Variants in FGGY observed in about 807,000 individuals in gnomAD.
FGGY encodes the protein FGGY carbohydrate kinase domain containing, also known as FGGY carbohydrate kinase domain-containing protein.
In FGGY, 72 loss-of-function variants were observed where a neutral mutation model predicts 71.3. That is an observed-to-expected ratio of 1.01 (90% CI 0.84 to 1.23). The LOEUF (loss-of-function observed/expected upper bound fraction) is 1.23, where lower values mean the gene tolerates loss of function less well. Among genes scored for constraint, FGGY ranks in the 50% most tolerant of loss-of-function variants. FGGY has a pLI of 0.00. For synonymous variants in FGGY, 251 were observed against 250.3 expected (o/e 1.00, Z -0.02); for missense variants, 668 against 682.3 (o/e 0.98, Z 0.23).
chr1:59,489,757 ATTAG>A (rs1254335515), intron 6 of FGGY, among the ~76,000 whole-genome samples: 2 of 152,076 alleles, frequency 1.3e-5, no homozygotes, highest in Non-Finnish European at 2.9e-5. Context: ...TGGATCATAT[ATTAG>A]TTCTGTTTGT....
intron 4 of FGGY, among the ~76,000 whole-genome samples, chr1:59,362,874 A>G (rs994297244): frequency 2.6e-5 from 4 of 152,230 alleles, no homozygotes; most frequent in African/African-American, 4.8e-5. Context: ...CCTGCCTTTC[A>G]TCTTCTATGA....
At chr1:59,587,625 C>T (rs1411965474) in intron 8 of FGGY, among the ~76,000 whole-genome samples, 13 of 152,184 alleles carry the variant, frequency 8.5e-5, no homozygotes, top group African/African-American at 2.9e-4. Flanking sequence ...CAGACAGCTG[C>T]ATTCGCGGTT....
chr1:59,616,858 C>G (rs2096760792), intron 9 of FGGY, among the ~76,000 whole-genome samples: 1 of 151,972 alleles, frequency 6.6e-6, no homozygotes, highest in African/African-American at 2.4e-5. Context: ...ATGATCATAC[C>G]TATAGATACA....
intron 8 of FGGY, among the ~76,000 whole-genome samples, chr1:59,578,713 AAGG>A (rs2096129350): frequency 6.6e-6 from 1 of 152,074 alleles, no homozygotes; most frequent in African/African-American, 2.4e-5. Flanking sequence ...CAAATTTACC[AAGG>A]AGAAGAGAAT....
At chr1:59,300,891 A>G (rs1022340759) in intron 1 of FGGY, among the ~76,000 whole-genome samples, 7 of 152,214 alleles carry the variant, frequency 4.6e-5, no homozygotes, top group Non-Finnish European at 8.8e-5. Context: ...TGTAATAAGT[A>G]CTGAAATCAG....
At position 59,422,755 on chromosome 1, in the gene FGGY, A is replaced by G. The variant is rs528916897; in HGVS notation, c.555-34206A>G. 8.5e-5 allele frequency among the ~76,000 whole-genome samples: 13 copies of G among 152,238 alleles called. No individual in the cohort carries two copies. The South Asian group carries it at 2.3e-3, about 27-fold the overall frequency. ...AGACCTTCCATATAGCAGTTATTAT[A>G]TAAGCACTAGGTAAATATTAATAAA... On this transcript the variant is annotated intron_variant, in intron 5 of 15. Coordinates refer to ENST00000303721, the MANE Select transcript of FGGY (RefSeq NM_018291.5).
At chr1:59,311,108 G>C (rs1416541609) in intron 1 of FGGY, among the ~76,000 whole-genome samples, 1 of 152,084 alleles carries the variant, frequency 6.6e-6, no homozygotes, top group Non-Finnish European at 1.5e-5. Flanking sequence ...ATCTGAAAAG[G>C]CTTCACAGGA....
At chr1:59,440,107 A>C (rs1460490537) in intron 5 of FGGY, among the ~76,000 whole-genome samples, 1 of 151,998 alleles carries the variant, frequency 6.6e-6, no homozygotes, top group Admixed American at 6.6e-5. Flanking sequence ...AAAAAAAAAA[A>C]AAAAACGGAA....
intron 5 of FGGY, among the ~76,000 whole-genome samples, chr1:59,396,982 T>G (rs1571587119): frequency 6.6e-6 from 1 of 151,650 alleles, no homozygotes; most frequent in South Asian, 2.1e-4. Context: ...TTCTGGGAGG[T>G]TCAGTTGCAG....
chr1:59,454,194 A>G (rs746390132), intron 5 of FGGY, among the ~76,000 whole-genome samples: 5 of 125,332 alleles, frequency 4.0e-5, no homozygotes, highest in Non-Finnish European at 9.0e-5. Context: ...CCAGCACTCT[A>G]CAGACAAGAA....
At chr1:59,382,282 A>T (rs544463804) in intron 5 of FGGY, among the ~76,000 whole-genome samples, 1 of 152,310 alleles carries the variant, frequency 6.6e-6, no homozygotes, top group Non-Finnish European at 1.5e-5. Flanking sequence ...ATAGGGTGTG[A>T]TAATTCAGCA....
intron 11 of FGGY, among the ~76,000 whole-genome samples, chr1:59,659,272 T>C (rs1324047740): frequency 6.6e-6 from 1 of 152,062 alleles, no homozygotes; most frequent in African/African-American, 2.4e-5. Context: ...CATAAGCCAA[T>C]TGCAGTGGGG....
chr1:59,325,316 C>T (rs2047213402), intron 2 of FGGY, among the ~76,000 whole-genome samples: 1 of 152,086 alleles, frequency 6.6e-6, no homozygotes, highest in African/African-American at 2.4e-5. Context: ...GAGATTGCGC[C>T]ATTGCACTCC....
chr1:59,747,411 C>T (rs1317907428), intron 14 of FGGY, among the ~76,000 whole-genome samples: 1 of 152,164 alleles, frequency 6.6e-6, no homozygotes, highest in Non-Finnish European at 1.5e-5. Flanking sequence ...ATGACTGAAT[C>T]GGAATGAAAC....
intron 7 of FGGY, among the ~76,000 whole-genome samples, chr1:59,528,833 A>G (rs2095063157): frequency 6.6e-6 from 1 of 152,260 alleles, no homozygotes; most frequent in African/African-American, 2.4e-5. Context: ...AAATATGCCC[A>G]GTAATGTGGC....
At chr1:59,332,875 G>A (rs2048768352) in intron 2 of FGGY, among the ~76,000 whole-genome samples, 1 of 152,276 alleles carries the variant, frequency 6.6e-6, no homozygotes, top group South Asian at 2.1e-4. Flanking sequence ...GAGCAAGCAT[G>A]CTGTGCTTTG....
At chr1:59,601,488 C>A (rs2096577726) in intron 8 of FGGY, among the ~76,000 whole-genome samples, 1 of 152,196 alleles carries the variant, frequency 6.6e-6, no homozygotes, top group Admixed American at 6.5e-5. Flanking sequence ...GGCTTCTAAT[C>A]CCAGCTCCAT....
intron 6 of FGGY, among the ~76,000 whole-genome samples, chr1:59,477,933 TG>T (rs1306982257): frequency 1.3e-5 from 2 of 152,138 alleles, no homozygotes; most frequent in African/African-American, 4.8e-5. Context: ...GGGATGGGGT[TG>T]GGGGTGGTAT....
intron 12 of FGGY, 150 bp from the exon 13 acceptor site, chr1:59,667,133 A>G (rs1252050126): frequency 1.0e-6 from 1 of 1,002,440 alleles, no homozygotes; most frequent in Non-Finnish European, 1.5e-6. Context: ...GTGTGATCAT[A>G]GACAACATAA....
Sources: allele counts gnomAD v4.1 joint callset (sites outside exome capture counted in the v4.1 genomes callset), GRCh38; gene constraint gnomAD v4.1.1; transcripts MANE v1.5; gene names NCBI Gene and HGNC (gene_info 2026-07-23, HGNC 2026-07-21).